Variants in GNB1 observed in about 807,000 individuals in gnomAD.
GNB1 encodes G protein subunit beta 1, also known as guanine nucleotide-binding protein G(I)/G(S)/G(T) subunit beta-1.
A neutral mutation model predicts 42.9 loss-of-function variants in GNB1; 2 were observed. The ratio of observed to expected loss-of-function variants is 0.05; its 90% CI spans 0.02 to 0.15. The LOEUF (loss-of-function observed/expected upper bound fraction) is 0.15, where lower values mean the gene tolerates loss of function less well. GNB1 is among the 10% of genes least tolerant of loss of function. The probability of loss-of-function intolerance (pLI) is 1.00; values close to 1 mark genes in which losing one functional copy is unlikely to be tolerated. For missense variants in GNB1, 193 were observed against 462.2 expected (o/e 0.42, Z 5.34); for synonymous variants, 183 against 174.7 (o/e 1.05, Z -0.38).
intron 1 of GNB1, among the ~76,000 whole-genome samples, chr1:1,870,246 C>G (rs2101764374): frequency 6.6e-6 from 1 of 152,300 alleles, no homozygotes; most frequent in East Asian, 1.9e-4. Flanking sequence ...GACTGGAGTA[C>G]AGTGGCATAT....
chr1:1,791,364 G>T (rs1186845080), intron 8 of GNB1, among the ~76,000 whole-genome samples: 3 of 151,916 alleles, frequency 2.0e-5, no homozygotes, highest in Non-Finnish European at 4.4e-5. Flanking sequence ...TAGTAGAGAC[G>T]GGGTTTCTCC....
At chr1:1,811,103 TGAGATG>T (rs1646772029) in intron 5 of GNB1, among the ~76,000 whole-genome samples, 1 of 150,024 alleles carries the variant, frequency 6.7e-6, no homozygotes, top group Non-Finnish European at 1.5e-5. Flanking sequence ...TTTCTTTTTT[TGAGATG>T]GAGTCTCACT....
At chr1:1,814,549 A>G (rs892328436) in intron 5 of GNB1, among the ~76,000 whole-genome samples, 1 of 152,174 alleles carries the variant, frequency 6.6e-6, no homozygotes, top group Non-Finnish European at 1.5e-5. Flanking sequence ...CTATAATCTC[A>G]GCACTTTGGG....
At chr1:1,808,219 G>C (rs577640100) in intron 5 of GNB1, among the ~76,000 whole-genome samples, 37 of 152,028 alleles carry the variant, frequency 2.4e-4, no homozygotes, top group Non-Finnish European at 3.2e-4. Context: ...AATCAGGCTG[G>C]TCTCGAACTC....
intron 1 of GNB1, among the ~76,000 whole-genome samples, chr1:1,841,696 TTAAAG>T (rs1243712328): frequency 6.6e-6 from 1 of 152,174 alleles, no homozygotes; most frequent in Non-Finnish European, 1.5e-5. Flanking sequence ...ATTCATTTAC[TTAAAG>T]TAGTTTCGTT....
At chr1:1,846,136 A>G (rs559208324) in intron 1 of GNB1, among the ~76,000 whole-genome samples, 52 of 152,202 alleles carry the variant, frequency 3.4e-4, no homozygotes, top group Non-Finnish European at 6.3e-4. Flanking sequence ...GAGGGTCAAC[A>G]TGACGAACAA....
In GNB1 at chr1:1,790,091, T is replaced by A. The variant is rs1646462050; in HGVS notation, c.699+304A>T. On this transcript the variant is annotated intron_variant, in intron 9 of 11. Transcript: ENST00000378609. The surrounding 1 kb of genome is among the most constrained non-coding windows in gnomAD (Gnocchi z 5.4). ...CCTGGTTAGCTGTGCCCCTGACCAG[T>A]AAGGCTCTGTAACCACTGGTGGCCT... Among the ~76,000 whole-genome samples the A allele has an allele frequency of 6.6e-6, 1 of 152,148 alleles. No homozygotes were observed. Among genetic ancestry groups the A allele is most frequent in the African/African-American group, 2.4e-5 (1 of 41,426 alleles).
chr1:1,823,774 G>A (rs1268726762), intron 3 of GNB1, among the ~76,000 whole-genome samples: 2 of 152,104 alleles, frequency 1.3e-5, no homozygotes, highest in African/African-American at 2.4e-5. Context: ...CCAAATCCTG[G>A]TGGGCTTTCT....
At chr1:1,791,567 G>C (rs1341251692) in intron 8 of GNB1, among the ~76,000 whole-genome samples, 1 of 152,216 alleles carries the variant, frequency 6.6e-6, no homozygotes, top group Non-Finnish European at 1.5e-5. Flanking sequence ...TGGCTCAGGT[G>C]TAAGGACAGC....
In GNB1 at chr1:1,790,367, C is replaced by T; in HGVS notation, c.699+28G>A. 1 of 1,536,964 alleles carries T rather than the reference C, an allele frequency of 6.5e-7. No homozygotes were observed. The stretch of plus-strand genomic sequence containing the variant: ...ACGGCTAGCAGAGACGGCAGAGGAC[C>T]CGACCCCACACCTCCACCCAGACTC... On this transcript the variant is annotated intron_variant, in intron 9 of 11. Transcript: ENST00000378609. This position sits in a 1 kb window ranked among gnomAD's most constrained non-coding sequence, Gnocchi z 5.4.
chr1:1,881,480 T>G (rs1176341345), intron 1 of GNB1, among the ~76,000 whole-genome samples: 1 of 152,018 alleles, frequency 6.6e-6, no homozygotes, highest in Non-Finnish European at 1.5e-5. Flanking sequence ...CTTGGGTCAC[T>G]GCAACCTCCG....
rs530576047 is a variant in GNB1, at chr1:1,882,136, A to G, written c.-96+8684T>C. Among the ~76,000 whole-genome samples the G allele has an allele frequency of 3.3e-5, 5 of 152,332 alleles. No homozygotes were observed. In the East Asian group the frequency reaches 9.6e-4, roughly 29 times the overall value. On this transcript the variant is annotated intron_variant, in intron 1 of 11. Transcript: ENST00000378609. ...TCACATGCATTCTACTATGGCTCAC[A>G]GCCTCAGCACCCAGTAAGGTGCTAA...
intron 1 of GNB1, among the ~76,000 whole-genome samples, chr1:1,872,702 C>A (rs1259093013): frequency 6.6e-6 from 1 of 152,052 alleles, no homozygotes; most frequent in African/African-American, 2.4e-5. Flanking sequence ...TAAACAATAC[C>A]CTAAACCAAG....
intron 7 of GNB1, among the ~76,000 whole-genome samples, chr1:1,799,006 G>GC (rs1292231205): frequency 1.3e-5 from 2 of 150,308 alleles, no homozygotes; most frequent in Non-Finnish European, 2.9e-5. Flanking sequence ...TGCAGGCTCC[G>GC]CCCCCCGGGG....
At position 1,789,251 on chromosome 1, in the gene GNB1, C is replaced by T. The variant is rs776246336; in HGVS notation, c.718G>A (p.Ala240Thr). The T allele has an allele frequency of 6.3e-7, 1 of 1,599,080 alleles. No individual in the cohort carries two copies. The highest frequency in any genetic ancestry group is 1.1e-5 in the South Asian group (1 of 90,786). ...GCGTCGTCTGAGCCAGTGGCAAATG[C>T]ATTGCCATTTGGAAAGAACTGGAAA... ...NAICFFPNGN[A>T]FATGSDDATC... The change falls in exon 10 of 12, where the codon GCA (alanine) becomes ACA (threonine). Residue 240 changes from alanine (A) to threonine (T), a missense_variant. By Grantham distance (58) the Ala-to-Thr change is moderately conservative (BLOSUM62 0). This residue lies in a region of GNB1 where 150 missense variants were observed against 410.8 expected (regional missense o/e 0.37). Coordinates refer to ENST00000378609, the MANE Select transcript of GNB1 (RefSeq NM_002074.5).
chr1:1,842,227 G>C (rs1024534056), intron 1 of GNB1, among the ~76,000 whole-genome samples: 5 of 152,206 alleles, frequency 3.3e-5, no homozygotes, highest in African/African-American at 7.2e-5. Flanking sequence ...TCAGCAGATT[G>C]AGACCATCCT....
At position 1,787,009 on chromosome 1, in the gene GNB1, G is replaced by A. The variant is rs867803630; in HGVS notation, c.*54C>T. The A allele has an allele frequency of 9.9e-5, 21 of 212,276 alleles. 1 individual carries two copies. Among genetic ancestry groups the A allele is most frequent in the South Asian group, 2.9e-4 (4 of 14,004 alleles). The allele number at this position is 212,276 out of a possible 1,614,324, so 13.1% of individuals were successfully genotyped here. On this transcript the variant is annotated 3_prime_UTR_variant, in exon 12 of 12. Coordinates refer to ENST00000378609, the MANE Select transcript of GNB1 (RefSeq NM_002074.5). This position sits in a 1 kb window ranked among gnomAD's most constrained non-coding sequence, Gnocchi z 4.4. ...GGATAGGATATGCTCTCATGGTAAC[G>A]CGTCCAAGTTGGAATGGTCTTCCAG...
intron 2 of GNB1, among the ~76,000 whole-genome samples, chr1:1,833,988 C>T (rs1352607635): frequency 1.3e-5 from 2 of 152,090 alleles, no homozygotes; most frequent in African/African-American, 2.4e-5. Flanking sequence ...CCAGGACAGA[C>T]GACCAGGCAG....
chr1:1,881,083 G>T (rs977109379), intron 1 of GNB1, among the ~76,000 whole-genome samples: 1 of 152,056 alleles, frequency 6.6e-6, no homozygotes, highest in Admixed American at 6.6e-5. Context: ...AAGGCCTGCC[G>T]TACCCTCGAT....
Sources: gnomAD v4.1 joint callset for allele counts (sites outside exome capture counted in the v4.1 genomes callset) on GRCh38, gnomAD v4.1.1 for gene constraint, gnomAD v4.1.1 regional missense constraint, Gnocchi (gnomAD v3.1) non-coding constraint, MANE v1.5 for transcripts, NCBI Gene and HGNC (gene_info 2026-07-23, HGNC 2026-07-21) for gene names.